The following TNRC18 variants were observed in gnomAD, a reference collection of about 807,000 sequenced individuals.
TNRC18 encodes the protein trinucleotide repeat-containing gene 18 protein.
A neutral mutation model predicts 226.7 loss-of-function variants in TNRC18; 69 were observed. The observed-to-expected ratio is 0.30, with a 90% confidence interval of 0.25 to 0.37. The LOEUF (loss-of-function observed/expected upper bound fraction) is 0.37. Ranked by LOEUF, TNRC18 falls within the 10% of genes least tolerant of loss-of-function variation. TNRC18 has a pLI of 1.00. For synonymous variants in TNRC18, 2,449 were observed against 1,927.6 expected (o/e 1.27, Z -7.09); for missense variants, 4,754 against 4,256.6 (o/e 1.12, Z -3.25).
At chr7:5,366,917 T>A (rs1245267857) in intron 11 of TNRC18, among the ~76,000 whole-genome samples, 2 of 152,062 alleles carry the variant, frequency 1.3e-5, no homozygotes, top group East Asian at 3.9e-4. Context: ...TGGTGATGGG[T>A]TCAGTCGTGT....
At chr7:5,311,339 C>A (rs1212057503) in intron 27 of TNRC18, among the ~76,000 whole-genome samples, 1 of 152,268 alleles carries the variant, frequency 6.6e-6, no homozygotes, top group Admixed American at 6.5e-5. Flanking sequence ...GGGACCCCGA[C>A]CTGGCCAGCC....
chr7:5,415,844 C>T (rs888293141), intron 2 of TNRC18, among the ~76,000 whole-genome samples: 3 of 151,416 alleles, frequency 2.0e-5, no homozygotes, highest in Non-Finnish European at 4.4e-5. Context: ...TGGTGGCTCA[C>T]GCCTGTAATC....
chr7:5,419,253 G>A (rs1249452103), intron 2 of TNRC18, among the ~76,000 whole-genome samples: 1 of 152,246 alleles, frequency 6.6e-6, no homozygotes, highest in East Asian at 1.9e-4. Context: ...ATGAGTAGTA[G>A]CTTGTTTTCA....
intron 15 of TNRC18, among the ~76,000 whole-genome samples, chr7:5,358,091 A>G (rs1386575896): frequency 6.6e-6 from 1 of 152,182 alleles, no homozygotes; most frequent in Non-Finnish European, 1.5e-5. Flanking sequence ...TGATATGCCT[A>G]TCTCAGCCAC....
chr7:5,343,617 G>C (rs1456675638), intron 18 of TNRC18, among the ~76,000 whole-genome samples: 1 of 152,104 alleles, frequency 6.6e-6, no homozygotes, highest in Non-Finnish European at 1.5e-5. Context: ...TGTAGAGATG[G>C]GGTCTCGCTC....
intron 2 of TNRC18, chr7:5,420,140 CTG>C (rs1478033222): frequency 3.0e-6 from 1 of 333,462 alleles, no homozygotes; most frequent in Admixed American, 4.3e-5. Flanking sequence ...CGCGGACTGA[CTG>C]GAGGGAGAGT....
intron 16 of TNRC18, 45 bp downstream of exon 16, chr7:5,356,871 G>A: frequency 6.7e-7 from 1 of 1,484,224 alleles, no homozygotes. Context: ...GGGGAGAAAA[G>A]GAGAGAAGCA....
At chr7:5,318,623 G>C (rs1181531200) in intron 24 of TNRC18, among the ~76,000 whole-genome samples, 1 of 150,816 alleles carries the variant, frequency 6.6e-6, no homozygotes, top group Non-Finnish European at 1.5e-5. Context: ...CACACACACG[G>C]AATTCCAGAT....
At chr7:5,308,680 G>A (rs1384367821) in intron 29 of TNRC18, among the ~76,000 whole-genome samples, 195 bp downstream of exon 29, 1 of 152,192 alleles carries the variant, frequency 6.6e-6, no homozygotes, top group Non-Finnish European at 1.5e-5. Flanking sequence ...GAGCAGAGAA[G>A]ACCCAGAGAC....
rs1266038097 is a variant in TNRC18 at position 5,421,472 on chromosome 7, A to C, written c.-226T>G. The C allele has an allele frequency of 6.4e-6, 1 of 156,528 alleles. No individual in the cohort carries two copies. Among genetic ancestry groups the C allele is most frequent in the Non-Finnish European group, 1.4e-5 (1 of 73,090 alleles). 9.7% of individuals were successfully genotyped at this position (156,528 alleles called of 1,614,324 possible). ...CCGGGCGGCCAGGCGGAGCTGCGCG[A>C]GGCGGCGCACACGGCGTCTTGGCGG... On this transcript the variant is annotated 5_prime_UTR_variant, in exon 2 of 30. Coordinates refer to ENST00000430969, the MANE Select transcript of TNRC18 (RefSeq NM_001080495.3).
intron 5 of TNRC18, among the ~76,000 whole-genome samples, chr7:5,387,313 G>T (rs1310429895): frequency 6.6e-6 from 1 of 152,264 alleles, no homozygotes; most frequent in African/African-American, 2.4e-5. Flanking sequence ...CACTGGAATC[G>T]GTAAGGCACA....
intron 2 of TNRC18, among the ~76,000 whole-genome samples, chr7:5,400,042 A>C: frequency 6.6e-6 from 1 of 151,184 alleles, no homozygotes; most frequent in East Asian, 1.9e-4. Flanking sequence ...GGTGTGCACC[A>C]CCATGTACAG....
intron 9 of TNRC18, among the ~76,000 whole-genome samples, chr7:5,375,720 C>G (rs1175625727): frequency 6.6e-6 from 1 of 152,154 alleles, no homozygotes; most frequent in Non-Finnish European, 1.5e-5. Context: ...CCACTGGACT[C>G]CTTCAGTGTC....
At chr7:5,356,495 G>C (rs550223945) in intron 16 of TNRC18, among the ~76,000 whole-genome samples, 18 of 152,368 alleles carry the variant, frequency 1.2e-4, no homozygotes, top group Non-Finnish European at 2.2e-4. Context: ...GTGGGTAGGG[G>C]AGTCCGGTCA....
intron 15 of TNRC18, among the ~76,000 whole-genome samples, 196 bp downstream of exon 15, chr7:5,359,202 T>G (rs1319817546): frequency 6.6e-6 from 1 of 152,218 alleles, no homozygotes; most frequent in African/African-American, 2.4e-5. Context: ...GGTAGGTCTC[T>G]GACCTCCTCT....
intron 18 of TNRC18, among the ~76,000 whole-genome samples, chr7:5,333,284 G>A (rs941671019): frequency 6.6e-6 from 1 of 152,234 alleles, no homozygotes; most frequent in Non-Finnish European, 1.5e-5. Context: ...CCAGCCCCTT[G>A]CCCCATGGGA....
At chr7:5,346,965 G>T (rs971606382) in intron 17 of TNRC18, among the ~76,000 whole-genome samples, 1 of 152,150 alleles carries the variant, frequency 6.6e-6, no homozygotes, top group Non-Finnish European at 1.5e-5. Flanking sequence ...GCCCAGGAAG[G>T]GCAGGGGTAG....
At chr7:5,353,500 AGTGC>A (rs1331840517) in intron 16 of TNRC18, among the ~76,000 whole-genome samples, 1 of 145,040 alleles carries the variant, frequency 6.9e-6, no homozygotes, top group Non-Finnish European at 1.5e-5. Context: ...TGGAGGTTGC[AGTGC>A]GGCCGAGATC....
rs1185581628 is a variant in TNRC18, at chr7:5,421,268, C to G, written c.-22G>C. 7.8e-7 allele frequency: 1 copy of G among 1,281,188 alleles called. No homozygotes were observed. Among genetic ancestry groups the G allele is most frequent in the African/African-American group, 1.6e-5 (1 of 64,334 alleles). 79.4% of individuals were successfully genotyped at this position (1,281,188 alleles called of 1,614,324 possible). On this transcript the variant is annotated 5_prime_UTR_variant, in exon 2 of 30. Transcript: ENST00000430969. ...CCATCCTCCGCGGGAGTGCCGCGAT[C>G]AGCCCCCCACCCGGCCCGCAGGCCT...
Sources: allele counts gnomAD v4.1 joint callset (sites outside exome capture counted in the v4.1 genomes callset), GRCh38; gene constraint gnomAD v4.1.1; transcripts MANE v1.5; gene names NCBI Gene and HGNC (gene_info 2026-07-23, HGNC 2026-07-21).